Variants in THBS2 observed in about 807,000 individuals in gnomAD.
THBS2 encodes the protein thrombospondin-2.
Under a neutral mutation model 135.2 loss-of-function variants are expected in THBS2, and 47 were observed. That is an observed-to-expected ratio of 0.35 (90% confidence interval 0.28 to 0.44). The LOEUF (loss-of-function observed/expected upper bound fraction) is 0.44, where lower values mean the gene tolerates loss of function less well. THBS2 is among the 20% of genes least tolerant of loss of function. THBS2 has a pLI of 1.00. For missense variants in THBS2, 1,288 were observed against 1,603.1 expected (o/e 0.80, Z 3.36); for synonymous variants, 639 against 633.8 (o/e 1.01, Z -0.12).
At chr6:169,239,163 A>G (rs1203635238) in intron 7 of THBS2, 1 of 167,212 alleles carries the variant, frequency 6.0e-6, no homozygotes, top group African/African-American at 2.4e-5. Context: ...ATCCCTTAGA[A>G]CATATTCTTC....
At chr6:169,223,550 CT>C (rs1779510101) in intron 17 of THBS2, 75 bp from the exon 18 acceptor site, 2 of 1,289,170 alleles carry the variant, frequency 1.6e-6, no homozygotes, top group South Asian at 2.6e-5. Flanking sequence ...TTGCCATTTG[CT>C]TTTCCGTGTC....
At chr6:169,224,841 A>C (rs984992790) in intron 17 of THBS2, among the ~76,000 whole-genome samples, 4 of 152,084 alleles carry the variant, frequency 2.6e-5, no homozygotes, top group Non-Finnish European at 4.4e-5. Flanking sequence ...CGTAACCCGC[A>C]TTCTTTCTAG....
At chr6:169,250,055 T>C (rs1583423311) in intron 2 of THBS2, among the ~76,000 whole-genome samples, 1 of 151,816 alleles carries the variant, frequency 6.6e-6, no homozygotes, top group South Asian at 2.1e-4. Flanking sequence ...AGTAATACAC[T>C]GAACAGAAAG....
intron 18 of THBS2, among the ~76,000 whole-genome samples, 198 bp from the exon 19 acceptor site, chr6:169,222,666 G>A (rs1237792131): frequency 6.6e-6 from 1 of 151,962 alleles, no homozygotes; most frequent in Non-Finnish European, 1.5e-5. Flanking sequence ...ATGGTGGTGG[G>A]TACCTGTAAT....
intron 4 of THBS2, among the ~76,000 whole-genome samples, chr6:169,242,797 A>G (rs1780383305): frequency 1.7e-5 from 1 of 59,158 alleles, no homozygotes; most frequent in African/African-American, 6.6e-5. Context: ...CACCACTCCC[A>G]CCTTCCCACC....
At chr6:169,253,477 C>T (rs1292429615) in intron 1 of THBS2, among the ~76,000 whole-genome samples, 2 of 152,166 alleles carry the variant, frequency 1.3e-5, no homozygotes, top group Non-Finnish European at 2.9e-5. Context: ...AAGGGGTGCC[C>T]GGCTGGTGAA....
chr6:169,230,564 G>A (rs779088996), intron 13 of THBS2, among the ~76,000 whole-genome samples: 20 of 152,168 alleles, frequency 1.3e-4, no homozygotes, highest in Non-Finnish European at 2.4e-4. Context: ...ATATGGGAAC[G>A]GGCACAGGGG....
chr6:169,249,227 G>C (rs936104292), intron 2 of THBS2, among the ~76,000 whole-genome samples: 1 of 152,222 alleles, frequency 6.6e-6, no homozygotes, highest in Non-Finnish European at 1.5e-5. Context: ...TTCTGCCCCT[G>C]GCTGGTCGAG....
chr6:169,230,225 A>AC (rs397793036), intron 13 of THBS2, among the ~76,000 whole-genome samples: 1 of 149,978 alleles, frequency 6.7e-6, no homozygotes, highest in Non-Finnish European at 1.5e-5. Context: ...TTGGGCAAAA[A>AC]CTCCTTTCAT....
At position 169,252,536 on chromosome 6, in the gene THBS2, G is replaced by A. The variant is rs761851191; in HGVS notation, c.-23+1188C>T. ...AAAAACTAAATCAAACTCCTTTGAC[G>A]AAACCAGATCCTACTGTCTCTGCCT... On this transcript the variant is annotated intron_variant, in intron 1 of 21. Coordinates refer to ENST00000617924, the MANE Select transcript of THBS2 (RefSeq NM_003247.5). This position sits in a 1 kb window ranked among gnomAD's most constrained non-coding sequence, Gnocchi z 4.3. Among the ~76,000 whole-genome samples the A allele has an allele frequency of 1.1e-4, 16 of 152,230 alleles. No individual in the cohort carries two copies. The highest frequency in any genetic ancestry group is 2.2e-4 in the Non-Finnish European group (15 of 68,042).
chr6:169,239,642 A>G lies in THBS2; in HGVS notation c.1086T>C (p.Ser362=), dbSNP rs1420319017. Residue 362 remains serine (S), a synonymous_variant, in exon 7 of 22, where the codon AGT becomes AGC. Coordinates refer to ENST00000617924, the MANE Select transcript of THBS2 (RefSeq NM_003247.5). ...QITCPPATCA[S]PSFVEGECCP... Reference sequence around the variant, plus strand: ...AGCATTCGCCTTCCACAAAGGATGGACTGGCGCAGGTTGCAGGCGGGCAGG... The same window carrying G: ...AGCATTCGCCTTCCACAAAGGATGGGCTGGCGCAGGTTGCAGGCGGGCAGG... 1.2e-6 allele frequency: 2 copies of G among 1,607,230 alleles called. No homozygotes were observed. Among genetic ancestry groups the G allele is most frequent in the Admixed American group, 3.4e-5 (2 of 59,006 alleles).
Position 169,240,559 on chromosome 6 carries a change from C to G in THBS2, c.925G>C (p.Gly309Arg), listed in dbSNP as rs1482184029. 2 of 1,613,984 alleles carry G rather than the reference C, an allele frequency of 1.2e-6. No homozygotes were observed. The highest frequency in any genetic ancestry group is 2.2e-5 in the East Asian group (1 of 44,888). Reference protein sequence around the residue: ...NDNQFLWELIGGPPKTRNMSA... With the variant: ...NDNQFLWELIRGPPKTRNMSA... ...ATGTTCCTTGTCTTAGGAGGGCCAC[C>G]AATGAGCTCCCAGAGAAACTGGTTA... The change falls in exon 6 of 22, where the codon GGT becomes CGT. Residue 309 changes from glycine (G) to arginine (R), a missense_variant. Gly to Arg is a moderately radical substitution (Grantham distance 125, BLOSUM62 -2). Coordinates refer to ENST00000617924, the MANE Select transcript of THBS2 (RefSeq NM_003247.5).
At position 169,232,798 on chromosome 6, in the gene THBS2, T is replaced by C; in HGVS notation, c.1798A>G (p.Ile600Val). 1 of 1,613,674 alleles carries C rather than the reference T, an allele frequency of 6.2e-7. No individual in the cohort carries two copies. Among genetic ancestry groups the C allele is most frequent in the Non-Finnish European group, 8.5e-7 (1 of 1,179,770 alleles). ...DLDECALVPDICFSTSKVPRC... is the reference protein window; with the variant it reads ...DLDECALVPDVCFSTSKVPRC... Reference sequence around the variant, plus strand: ...GGCACCTTGCTGGTGGAGAAGCAGATGTCGGGGACCAGGGCACACTGCGGG... The same window carrying C: ...GGCACCTTGCTGGTGGAGAAGCAGACGTCGGGGACCAGGGCACACTGCGGG... Residue 600 changes from isoleucine to valine, a missense_variant, in exon 12 of 22, where the codon ATC (isoleucine) becomes GTC (valine). Transcript: ENST00000617924.
rs570537028 is a variant in THBS2 at position 169,248,600 on chromosome 6, G to A, written c.426C>T (p.Val142=). Residue 142 remains valine (V), a synonymous_variant, in exon 3 of 22, where the codon GTC becomes GTT. Coordinates refer to ENST00000617924, the MANE Select transcript of THBS2 (RefSeq NM_003247.5). The part of the protein sequence containing the change: ...GTRHVVSLED[V]GLADSQWKNV... ...TCTTCCACTGCGAGTCAGCCAGGCCGACGTCCTCCAGGGAGACCACATGCC... is the reference window on the plus strand; with the variant it reads ...TCTTCCACTGCGAGTCAGCCAGGCCAACGTCCTCCAGGGAGACCACATGCC... The A allele has an allele frequency of 1.1e-5, 18 of 1,614,026 alleles. No homozygotes were observed. The highest frequency in any genetic ancestry group is 8.0e-5 in the African/African-American group (6 of 75,048).
chr6:169,224,745 G>T (rs1336832612), intron 17 of THBS2, among the ~76,000 whole-genome samples: 1 of 152,170 alleles, frequency 6.6e-6, no homozygotes, highest in Non-Finnish European at 1.5e-5. Flanking sequence ...TCACACTCGT[G>T]CCACTTTTGT....
At chr6:169,231,908 C>T in intron 13 of THBS2, 72 bp downstream of exon 13, 8 of 1,473,858 alleles carry the variant, frequency 5.4e-6, no homozygotes, top group Non-Finnish European at 7.4e-6. Context: ...CCCCCGTCCG[C>T]GTAGCGTCCC....
intron 7 of THBS2, among the ~76,000 whole-genome samples, 176 bp from the exon 8 acceptor site, chr6:169,237,971 A>G (rs1300310256): frequency 6.6e-6 from 1 of 152,148 alleles, no homozygotes; most frequent in Non-Finnish European, 1.5e-5. Flanking sequence ...GCTCCGTGGG[A>G]CCCAAGTTTG....
At chr6:169,230,283 A>G (rs1418521949) in intron 13 of THBS2, among the ~76,000 whole-genome samples, 1 of 152,204 alleles carries the variant, frequency 6.6e-6, no homozygotes, top group African/African-American at 2.4e-5. Context: ...GCAGACACTA[A>G]CAACTTGAGG....
chr6:169,243,044 ACC>A (rs1780409707), intron 4 of THBS2, among the ~76,000 whole-genome samples: 11 of 42,680 alleles, frequency 2.6e-4, no homozygotes, highest in African/African-American at 8.0e-4. Context: ...CACCGCTCCC[ACC>A]TTCCCACCTT....
Sources: gnomAD v4.1 joint callset for allele counts (sites outside exome capture counted in the v4.1 genomes callset) on GRCh38, gnomAD v4.1.1 for gene constraint, Gnocchi (gnomAD v3.1) non-coding constraint, MANE v1.5 for transcripts, NCBI Gene and HGNC (gene_info 2026-07-23, HGNC 2026-07-21) for gene names.